Variants in STON2 observed in about 807,000 individuals in gnomAD.
The protein encoded by STON2 is stonin 2.
A neutral mutation model predicts 65.7 loss-of-function variants in STON2; 29 were observed. The observed-to-expected ratio is 0.44, with a 90% CI of 0.33 to 0.60. STON2 has a LOEUF of 0.60. STON2 is among the 20% of genes least tolerant of loss of function. STON2 has a pLI of 0.03. For missense variants in STON2, 1,054 were observed against 1,118.1 expected (o/e 0.94, Z 0.82); for synonymous variants, 404 against 414.2 (o/e 0.98, Z 0.30).
rs755109204 is a variant in STON2, at chr14:81,347,902, CAAAAAAAAA to C, written c.571+23077_571+23085del. 5.2e-4 allele frequency among the ~76,000 whole-genome samples: 27 copies of C among 51,560 alleles called. No individual in the cohort carries two copies. The South Asian group carries it at 0.015, about 28-fold the overall frequency. 33.8% of individuals were successfully genotyped at this position (51,560 alleles called of 152,430 possible). On this transcript the variant is annotated intron_variant, in intron 4 of 7. Coordinates refer to ENST00000614646, the MANE Select transcript of STON2 (RefSeq NM_001394390.1). ...AACAGAGTAGGACCCTGTCTCTTAC[CAAAAAAAAA>C]AAAAAAAAAAAAAGATAATAAAGTA...
At chr14:81,355,744 T>C (rs1206638305) in intron 4 of STON2, among the ~76,000 whole-genome samples, 2 of 152,218 alleles carry the variant, frequency 1.3e-5, no homozygotes, top group African/African-American at 4.8e-5. Context: ...GGTGGATTCC[T>C]AGGTATTTTA....
chr14:81,355,093 G>A (rs527764014), intron 4 of STON2, among the ~76,000 whole-genome samples: 14 of 151,772 alleles, frequency 9.2e-5, no homozygotes, highest in African/African-American at 3.4e-4. Context: ...CCATTCAGAA[G>A]AGAAAAAAAA....
Position 81,319,123 on chromosome 14 carries a change from C to T in STON2, c.742+4894G>A, listed in dbSNP as rs909644071. Among the ~76,000 whole-genome samples, 5 of 152,266 alleles carry T rather than the reference C, an allele frequency of 3.3e-5. No individual in the cohort carries two copies. The East Asian group carries it at 7.7e-4, about 24-fold the overall frequency. On this transcript the variant is annotated intron_variant, in intron 5 of 7. Coordinates refer to ENST00000614646, the MANE Select transcript of STON2 (RefSeq NM_001394390.1). ...GTCCAGCCTAAAATCAACCAATTGC[C>T]CCCCTCAAACCACAGACACAGTGGT... is the stretch of plus-strand genomic sequence containing the variant.
intron 3 of STON2, among the ~76,000 whole-genome samples, chr14:81,372,233 T>A (rs1899029655): frequency 6.6e-6 from 1 of 152,140 alleles, no homozygotes; most frequent in African/African-American, 2.4e-5. Flanking sequence ...TCCTATCACA[T>A]GCTGCCTCCA....
Position 81,278,183 on chromosome 14 carries a change from C to A in STON2, c.1299G>T (p.Gln433His), listed in dbSNP as rs1424169313. 6.2e-7 allele frequency: 1 copy of A among 1,614,040 alleles called. No individual in the cohort carries two copies. Among genetic ancestry groups the A allele is most frequent in the Non-Finnish European group, 8.5e-7 (1 of 1,180,044 alleles). The change falls in exon 6 of 8, where the codon CAG becomes CAT. Residue 433 changes from glutamine to histidine, a missense_variant. Physicochemically the swap from Gln to His is conservative, Grantham distance 24 (BLOSUM62 0). Transcript: ENST00000614646. Reference sequence around the variant, plus strand: ...GTTTTTCAACAGCATCAGAGTGTGACTGGGTTTTGCTTGAATCATCAAAAC... The same window carrying A: ...GTTTTTCAACAGCATCAGAGTGTGAATGGGTTTTGCTTGAATCATCAAAAC... ...AISFDDSSKT[Q>H]SHSDAVEKLK...
Position 81,312,650 on chromosome 14 carries a change from C to T in STON2, c.742+11367G>A, listed in dbSNP as rs562303334. ...TCCCTCTTGCCTCCCAGCATCTAGA[C>T]TTAGCCTAGCTGCTTAAAATCAAAT... On this transcript the variant is annotated intron_variant, in intron 5 of 7. Coordinates refer to ENST00000614646, the MANE Select transcript of STON2 (RefSeq NM_001394390.1). Among the ~76,000 whole-genome samples the T allele has an allele frequency of 1.5e-3, 227 of 152,352 alleles. 2 individuals carry two copies. The highest frequency in any genetic ancestry group is 2.5e-3 in the Non-Finnish European group (168 of 68,026).
At chr14:81,294,711 G>C (rs1301313469) in intron 5 of STON2, among the ~76,000 whole-genome samples, 2 of 152,158 alleles carry the variant, frequency 1.3e-5, no homozygotes, top group Admixed American at 1.3e-4. Context: ...CTTTGATAAA[G>C]TCATGGGATG....
At chr14:81,287,600 AT>A (rs1242588427) in intron 5 of STON2, among the ~76,000 whole-genome samples, 2 of 151,796 alleles carry the variant, frequency 1.3e-5, no homozygotes, top group African/African-American at 2.4e-5. Flanking sequence ...CCCAGCTTTC[AT>A]TTTTTTTGCT....
chr14:81,299,876 GAAA>G (rs201844263), intron 5 of STON2, among the ~76,000 whole-genome samples: 5 of 118,622 alleles, frequency 4.2e-5, no homozygotes, highest in African/African-American at 1.8e-4. Flanking sequence ...TGTTAAGATG[GAAA>G]AAAAATTTTT....
At chr14:81,365,182 G>A (rs1044223040) in intron 4 of STON2, among the ~76,000 whole-genome samples, 1 of 152,024 alleles carries the variant, frequency 6.6e-6, no homozygotes, top group African/African-American at 2.4e-5. Context: ...CCAGTCTCCC[G>A]CCACTGGACT....
Position 81,413,342 on chromosome 14 carries a change from A to T in STON2, c.-199+13760T>A, listed in dbSNP as rs182103859. 2,078 of 932,724 alleles carry T rather than the reference A, an allele frequency of 2.2e-3. 127 individuals are homozygous for T. Among genetic ancestry groups the T allele is most frequent in the Admixed American group, 2.9e-3 (108 of 37,180 alleles). The allele number at this position is 932,724 out of a possible 1,614,324, so 57.8% of individuals were successfully genotyped here. The stretch of plus-strand genomic sequence containing the variant: ...AAATTTTCAGCCTTGCTAAGGGAAC[A>T]CCTCGATGTTCGAACCTTTATTGTG... On this transcript the variant is annotated intron_variant, in intron 2 of 8. Coordinates refer to the STON2 transcript ENST00000553821.
chr14:81,355,725 C>A (rs1898201029), intron 4 of STON2, among the ~76,000 whole-genome samples: 1 of 152,156 alleles, frequency 6.6e-6, no homozygotes, highest in Non-Finnish European at 1.5e-5. Context: ...CCCTTCACGT[C>A]CCTTGTAAGG....
chr14:81,377,647 C>A (rs1006576315), intron 3 of STON2, among the ~76,000 whole-genome samples: 1 of 152,176 alleles, frequency 6.6e-6, no homozygotes, highest in Non-Finnish European at 1.5e-5. Flanking sequence ...CATGAATGAT[C>A]CAATCTCTCG....
rs2140124281 is a variant in STON2 at position 81,278,648 on chromosome 14, G to T, written c.834C>A (p.Ala278=). The T allele has an allele frequency of 6.4e-7, 1 of 1,561,724 alleles. No individual in the cohort carries two copies. Among genetic ancestry groups the T allele is most frequent in the South Asian group, 1.2e-5 (1 of 81,146 alleles). Residue 278 remains alanine (A), a synonymous_variant, in exon 6 of 8, where the codon GCC becomes GCA. Coordinates refer to ENST00000614646, the MANE Select transcript of STON2 (RefSeq NM_001394390.1). Reference sequence around the variant, plus strand: ...GAAAACGAGCAGAGGTCACTGGAGGGGCAGGGTGCCCATTCATGGCTGGAC... The same window carrying T: ...GAAAACGAGCAGAGGTCACTGGAGGTGCAGGGTGCCCATTCATGGCTGGAC... ...ASSPAMNGHP[A]PPVTSARFPS... is the part of the protein sequence containing the mutation.
chr14:81,264,661 A>C lies in STON2; in HGVS notation c.*3753T>G. 1.0e-6 allele frequency: 1 copy of C among 985,066 alleles called. No homozygotes were observed. Among genetic ancestry groups the C allele is most frequent in the Non-Finnish European group, 1.2e-6 (1 of 829,564 alleles). 61.0% of individuals were successfully genotyped at this position (985,066 alleles called of 1,614,324 possible). A position where few individuals can be genotyped will look rare whatever the true frequency, so the allele number is the denominator to read the frequency against. On this transcript the variant is annotated 3_prime_UTR_variant, in exon 8 of 8. Coordinates refer to ENST00000614646, the MANE Select transcript of STON2 (RefSeq NM_001394390.1). Reference sequence around the variant, plus strand: ...GAAATCAGTCTCATTTCAAATAAAAAATATTTTAAATCAAACAATGTTCTC... The same window carrying C: ...GAAATCAGTCTCATTTCAAATAAAACATATTTTAAATCAAACAATGTTCTC...
intron 3 of STON2, among the ~76,000 whole-genome samples, chr14:81,381,904 G>C (rs1349544030): frequency 6.6e-6 from 1 of 152,068 alleles, no homozygotes; most frequent in East Asian, 1.9e-4. Flanking sequence ...AATGCTCATG[G>C]AAGTGCATTA....
At chr14:81,434,285 G>T (rs888154790) in intron 1 of STON2, among the ~76,000 whole-genome samples, 1 of 152,144 alleles carries the variant, frequency 6.6e-6, no homozygotes, top group African/African-American at 2.4e-5. Flanking sequence ...GAGATCTCAC[G>T]AGGTGGGAGT....
intron 4 of STON2, among the ~76,000 whole-genome samples, chr14:81,326,030 C>A (rs1896993684): frequency 6.6e-6 from 1 of 152,188 alleles, no homozygotes; most frequent in Admixed American, 6.5e-5. Context: ...CCTAAACAAC[C>A]CCAGCAATCA....
chr14:81,429,043 A>G (rs1390099970), intron 1 of STON2, among the ~76,000 whole-genome samples: 2 of 152,218 alleles, frequency 1.3e-5, no homozygotes, highest in Non-Finnish European at 1.5e-5. Flanking sequence ...CCTTCTTTCA[A>G]TGAAAGCCAG....
Sources: allele counts gnomAD v4.1 joint callset (sites outside exome capture counted in the v4.1 genomes callset), GRCh38; gene constraint gnomAD v4.1.1; transcripts MANE v1.5; gene names NCBI Gene and HGNC (gene_info 2026-07-23, HGNC 2026-07-21).